The following ARAP2 variants were observed in gnomAD, a reference collection of about 807,000 sequenced individuals.
ARAP2 encodes the protein ArfGAP with RhoGAP domain, ankyrin repeat and PH domain 2, also known as arf-GAP with Rho-GAP domain, ANK repeat and PH domain-containing protein 2.
Under a neutral mutation model 194.5 loss-of-function variants are expected in ARAP2, and 148 were observed. The ratio of observed to expected loss-of-function variants is 0.76; its 90% confidence interval spans 0.67 to 0.87. ARAP2 has a LOEUF of 0.87. Ranked by LOEUF, ARAP2 falls within the 40% of genes least tolerant of loss-of-function variation. The probability of loss-of-function intolerance (pLI) is 0.00; values close to 1 mark genes in which losing one functional copy is unlikely to be tolerated. For synonymous variants in ARAP2, 695 were observed against 683.5 expected (o/e 1.02, Z -0.26); for missense variants, 2,128 against 1,989.7 (o/e 1.07, Z -1.32).
At chr4:36,052,399 T>C (rs550983618) in intron 2 of ARAP2, among the ~76,000 whole-genome samples, 17 of 152,240 alleles carry the variant, frequency 1.1e-4, no homozygotes, top group Non-Finnish European at 4.4e-5. Flanking sequence ...TCAATGTTAA[T>C]TGAGTTCTAA....
intron 3 of ARAP2, 133 bp from the exon 4 acceptor site, chr4:36,213,452 T>A: frequency 1.6e-6 from 1 of 618,550 alleles, no homozygotes; most frequent in South Asian, 2.1e-5. Flanking sequence ...GAGTCCAAAT[T>A]ATGCTAATTC....
intron 18 of ARAP2, 71 bp from the exon 19 acceptor site, chr4:36,147,430 A>G (rs1729905853): frequency 6.3e-7 from 1 of 1,578,738 alleles, no homozygotes; most frequent in East Asian, 2.2e-5. Context: ...AGACACAAAT[A>G]TTAATACTGC....
chr4:36,207,545 T>G (rs761518523), intron 6 of ARAP2, among the ~76,000 whole-genome samples: 2 of 152,250 alleles, frequency 1.3e-5, no homozygotes, highest in Non-Finnish European at 2.9e-5. Context: ...TGCTCACATA[T>G]TAGGCATTGA....
chr4:36,059,376 G>A (rs1262693438), intron 1 of ARAP2, among the ~76,000 whole-genome samples: 1 of 152,150 alleles, frequency 6.6e-6, no homozygotes. Context: ...CAACGGCAGA[G>A]TGTAAAAGTG....
intron 10 of ARAP2, among the ~76,000 whole-genome samples, chr4:36,165,362 A>G (rs1261822350): frequency 2.0e-5 from 3 of 152,226 alleles, no homozygotes; most frequent in Non-Finnish European, 4.4e-5. Flanking sequence ...TTTTCTAAAC[A>G]AAACATAAAA....
At chr4:36,088,425 T>C (rs1056928047) in intron 28 of ARAP2, among the ~76,000 whole-genome samples, 3 of 152,060 alleles carry the variant, frequency 2.0e-5, no homozygotes, top group Non-Finnish European at 2.9e-5. Context: ...ATGTGTTCCA[T>C]CACATAACCC....
intron 9 of ARAP2, among the ~76,000 whole-genome samples, chr4:36,007,729 T>C (rs978622955): frequency 3.9e-5 from 6 of 152,300 alleles, no homozygotes; most frequent in Admixed American, 3.9e-4. Flanking sequence ...ATCTCAATGA[T>C]ATTAAATGTT....
chr4:36,042,463 A>C (rs1445563335), intron 5 of ARAP2, among the ~76,000 whole-genome samples: 4 of 152,200 alleles, frequency 2.6e-5, no homozygotes, highest in Non-Finnish European at 5.9e-5. Flanking sequence ...CTTTAACCTT[A>C]TGGGACTTAA....
intron 27 of ARAP2, among the ~76,000 whole-genome samples, chr4:36,106,160 G>A (rs183678149): frequency 1.2e-4 from 18 of 150,130 alleles, no homozygotes; most frequent in Non-Finnish European, 2.4e-4. Flanking sequence ...GCGGGGAGGG[G>A]AGGGAGGGGA....
intron 6 of ARAP2, among the ~76,000 whole-genome samples, chr4:36,017,564 T>TAAGAAAAAAAAAA (rs1716065196): frequency 2.3e-5 from 1 of 42,578 alleles, no homozygotes; most frequent in East Asian, 7.7e-4. Context: ...AAGAAAGTGG[T>TAAGAAAAAAAAAA]AAAAAAAAAA....
chr4:36,050,492 T>C (rs771524110), intron 3 of ARAP2, among the ~76,000 whole-genome samples: 2 of 152,200 alleles, frequency 1.3e-5, no homozygotes, highest in Non-Finnish European at 2.9e-5. Flanking sequence ...AGGATTTTCA[T>C]GTGTGGCGTT....
intron 8 of ARAP2, among the ~76,000 whole-genome samples, chr4:36,182,495 C>CTAAATAAATAAA (rs71201004): frequency 0.015 from 2,161 of 140,726 alleles, 27 homozygotes; most frequent in African/African-American, 0.038. Flanking sequence ...GACTCCATCT[C>CTAAATAAATAAA]TAAATAAATA....
At chr4:36,039,336 C>T (rs2109221962) in intron 5 of ARAP2, among the ~76,000 whole-genome samples, 1 of 152,320 alleles carries the variant, frequency 6.6e-6, no homozygotes, top group East Asian at 1.9e-4. Flanking sequence ...TTCTGCATAG[C>T]CGTTACTAGT....
In ARAP2 at chr4:36,073,808, A is replaced by G. The variant is rs1171649830; in HGVS notation, c.4624T>C (p.Trp1542Arg). 6.2e-7 allele frequency: 1 copy of G among 1,612,974 alleles called. No individual in the cohort carries two copies. Among genetic ancestry groups the G allele is most frequent in the Admixed American group, 1.7e-5 (1 of 59,974 alleles). The change falls in exon 32 of 33, where the codon TGG becomes CGG. Residue 1542 changes from tryptophan to arginine, a missense_variant. Trp to Arg is a moderately radical substitution (Grantham distance 101). Coordinates refer to ENST00000303965, the MANE Select transcript of ARAP2 (RefSeq NM_015230.4). ...TTTCGTTCCTTTCCAGCTGGTGGCC[A>G]TATATCATATTCATGCTGTGGAAAC... Reference protein sequence around the residue: ...IFIAQHEYDIWPPAGKERKRS... With the variant: ...IFIAQHEYDIRPPAGKERKRS...
chr4:36,211,284 T>C (rs1361658173), intron 5 of ARAP2, among the ~76,000 whole-genome samples: 1 of 152,188 alleles, frequency 6.6e-6, no homozygotes, highest in Non-Finnish European at 1.5e-5. Context: ...GGAAAAATAT[T>C]GCAGCACACT....
intron 19 of ARAP2, among the ~76,000 whole-genome samples, chr4:36,146,242 C>T (rs1048552219): frequency 6.6e-6 from 1 of 151,962 alleles, no homozygotes; most frequent in South Asian, 2.1e-4. Context: ...TGCTTTCCTG[C>T]CCAGCATCCT....
chr4:36,164,712 A>G lies in ARAP2; in HGVS notation c.2173+202T>C, dbSNP rs1734870121. ...ACCAGTAGGCATAAAATATGATTGCATGCTTAAAAATCCATTTTTATATCC... is the reference window on the plus strand; with the variant it reads ...ACCAGTAGGCATAAAATATGATTGCGTGCTTAAAAATCCATTTTTATATCC... On this transcript the variant is annotated intron_variant, in intron 11 of 32. Transcript: ENST00000303965. 2.0e-5 allele frequency among the ~76,000 whole-genome samples: 3 copies of G among 152,232 alleles called. No homozygotes were observed. In the South Asian group the frequency reaches 6.2e-4, roughly 31 times the overall value.
rs1331663513 is a variant in ARAP2, at chr4:36,133,289, G to C, written c.3364C>G (p.Gln1122Glu). Residue 1122 changes from glutamine (Q) to glutamate (E), a missense_variant, in exon 20 of 33, where the codon CAG becomes GAG. Transcript: ENST00000303965. The part of the protein sequence containing the change: ...GTDGNALQDQ[Q>E]LSKNDVPIIV... ...ATGGGAACGTCATTTTTGCTGAGCT[G>C]CTGATCTTGTAAAGCATTACCATCT... 2 of 1,611,314 alleles carry C rather than the reference G, an allele frequency of 1.2e-6. No individual in the cohort carries two copies. The highest frequency in any genetic ancestry group is 8.5e-7 in the Non-Finnish European group (1 of 1,178,302).
At chr4:36,242,905 T>C (rs1332557424) in intron 1 of ARAP2, among the ~76,000 whole-genome samples, 4 of 152,208 alleles carry the variant, frequency 2.6e-5, no homozygotes, top group African/African-American at 9.6e-5. Flanking sequence ...CTCTTCGTGT[T>C]AGGAACCACC....
Sources: gnomAD v4.1 joint callset for allele counts (sites outside exome capture counted in the v4.1 genomes callset) on GRCh38, gnomAD v4.1.1 for gene constraint, MANE v1.5 for transcripts, NCBI Gene and HGNC (gene_info 2026-07-23, HGNC 2026-07-21) for gene names.